Variants in IPO9 observed in about 807,000 individuals in gnomAD.
IPO9 encodes the protein importin-9.
Under a neutral mutation model 128.6 loss-of-function variants are expected in IPO9, and 28 were observed. That is an observed-to-expected ratio of 0.22 (90% CI 0.16 to 0.30). IPO9 has a LOEUF of 0.30. Among genes scored for constraint, IPO9 ranks in the 10% least tolerant of loss-of-function variants. The pLI is 1.00. For missense variants in IPO9, 935 were observed against 1,293.9 expected, an observed-to-expected ratio of 0.72 and a Z score of 4.26; for synonymous variants, 455 against 475.8, an observed-to-expected ratio of 0.96 and a Z score of 0.57.
At chr1:201,848,018 C>A (rs1431841537) in intron 3 of IPO9, among the ~76,000 whole-genome samples, 1 of 152,180 alleles carries the variant, frequency 6.6e-6, no homozygotes, top group Non-Finnish European at 1.5e-5. Flanking sequence ...GGTATAAGGT[C>A]TGGAGGAATG....
intron 1 of IPO9, among the ~76,000 whole-genome samples, chr1:201,840,966 G>T (rs1680024979): frequency 6.6e-6 from 1 of 152,178 alleles, no homozygotes; most frequent in African/African-American, 2.4e-5. Context: ...TAATAGGGTT[G>T]AGGAAGAAGT....
chr1:201,852,225 T>A (rs761221155), intron 5 of IPO9, 33 bp downstream of exon 5: 1 of 1,404,634 alleles, frequency 7.1e-7, no homozygotes, highest in Non-Finnish European at 1.0e-6. Context: ...TTATAGTGAG[T>A]TCAGGCTCTC....
rs1268775610 is a variant in IPO9, at chr1:201,880,585, TA to T, written c.*4535del. 6.6e-6 allele frequency: 1 copy of T among 152,208 alleles called. No individual in the cohort carries two copies. The highest frequency in any genetic ancestry group is 6.5e-5 in the Admixed American group (1 of 15,280). 9.4% of individuals were successfully genotyped at this position (152,208 alleles called of 1,614,324 possible). A position where few individuals can be genotyped will look rare whatever the true frequency, so the allele number is the denominator to read the frequency against. Reference sequence around the variant, plus strand: ...TGACCCATGATCAGTAAGTAGGAAATAAAAGGCCAATTTCTGGCTACTCTTG... The same window carrying T: ...TGACCCATGATCAGTAAGTAGGAAATAAAGGCCAATTTCTGGCTACTCTTG... On this transcript the variant is annotated 3_prime_UTR_variant, in exon 24 of 24. Coordinates refer to ENST00000361565, the MANE Select transcript of IPO9 (RefSeq NM_018085.5).
At chr1:201,861,566 A>T (rs1294061247) in intron 13 of IPO9, among the ~76,000 whole-genome samples, 1 of 152,206 alleles carries the variant, frequency 6.6e-6, no homozygotes, top group Non-Finnish European at 1.5e-5. Context: ...TGCATTTTTA[A>T]CTTACAGTAT....
intron 4 of IPO9, among the ~76,000 whole-genome samples, chr1:201,850,044 T>C (rs1680188031): frequency 6.6e-6 from 1 of 152,258 alleles, no homozygotes; most frequent in South Asian, 2.1e-4. Context: ...ATTCAGGTTC[T>C]TTTGACAAAC....
intron 1 of IPO9, among the ~76,000 whole-genome samples, chr1:201,847,071 G>C (rs747654739): frequency 1.3e-5 from 2 of 152,242 alleles, no homozygotes; most frequent in Non-Finnish European, 2.9e-5. Flanking sequence ...AAAAGTGTAA[G>C]GGTGTTGAAA....
rs531792367 is a variant in IPO9 at position 201,870,551 on chromosome 1, A to G, written c.2134-32A>G. 6.2e-7 allele frequency: 1 copy of G among 1,600,734 alleles called. No homozygotes were observed. Among genetic ancestry groups the G allele is most frequent in the South Asian group, 1.1e-5 (1 of 90,028 alleles). On this transcript the variant is annotated intron_variant, in intron 17 of 23. Coordinates refer to ENST00000361565, the MANE Select transcript of IPO9 (RefSeq NM_018085.5). The surrounding 1 kb of genome is among the most constrained non-coding windows in gnomAD (Gnocchi z 4.9). ...GCCTTCTGGCATCTGTCCCTCGATT[A>G]CTAATCTTGCTTGCCACCCCTGTCT...
intron 15 of IPO9, among the ~76,000 whole-genome samples, chr1:201,867,335 A>C (rs1376349105): frequency 6.6e-6 from 1 of 152,190 alleles, no homozygotes; most frequent in Non-Finnish European, 1.5e-5. Flanking sequence ...CTAAAGAAAG[A>C]TATATGGAAA....
In IPO9 at chr1:201,829,202, G is replaced by A. The variant is rs770571396; in HGVS notation, c.-8G>A. 12 of 1,535,014 alleles carry A rather than the reference G, an allele frequency of 7.8e-6. No individual in the cohort carries two copies. The African/African-American group carries it at 1.7e-4, about 22-fold the overall frequency. On this transcript the variant is annotated 5_prime_UTR_variant, in exon 1 of 24. Transcript: ENST00000361565. ...GGCCGCGGGGCTGGCGGGCTGAGGGGAGAAAAGATGGCGGCGGCGGCGGCA... is the reference window on the plus strand; with the variant it reads ...GGCCGCGGGGCTGGCGGGCTGAGGGAAGAAAAGATGGCGGCGGCGGCGGCA...
At chr1:201,842,334 G>T (rs899266381) in intron 1 of IPO9, among the ~76,000 whole-genome samples, 1 of 152,304 alleles carries the variant, frequency 6.6e-6, no homozygotes, top group Admixed American at 6.5e-5. Flanking sequence ...GAATGCAGAA[G>T]TGTGTTCTTT....
chr1:201,875,370 GCTT>G, intron 23 of IPO9, 142 bp downstream of exon 23: 1 of 742,464 alleles, frequency 1.3e-6, no homozygotes, highest in Non-Finnish European at 2.4e-6. Context: ...CGGGAGGATT[GCTT>G]AAGCCCAGGA....
rs1680777410 is a variant in IPO9, at chr1:201,876,988, C to G, written c.*934C>G. 6.6e-6 allele frequency: 1 copy of G among 152,604 alleles called. No homozygotes were observed. The highest frequency in any genetic ancestry group is 6.5e-5 in the Admixed American group (1 of 15,276). 9.5% of individuals were successfully genotyped at this position (152,604 alleles called of 1,614,324 possible). Reference sequence around the variant, plus strand: ...TTTAGTTGCATGGTATAAGGTGTCTCAGCACCTGTTTGCCTTCTATTCCCT... The same window carrying G: ...TTTAGTTGCATGGTATAAGGTGTCTGAGCACCTGTTTGCCTTCTATTCCCT... On this transcript the variant is annotated 3_prime_UTR_variant, in exon 24 of 24. Coordinates refer to ENST00000361565, the MANE Select transcript of IPO9 (RefSeq NM_018085.5).
chr1:201,877,948 A>C lies in IPO9; in HGVS notation c.*1894A>C, dbSNP rs1680808047. The C allele has an allele frequency of 1.3e-5, 2 of 152,244 alleles. No individual in the cohort carries two copies. The highest frequency in any genetic ancestry group is 1.3e-4 in the Admixed American group (2 of 15,284). The allele number at this position is 152,244 out of a possible 1,614,324, so 9.4% of individuals were successfully genotyped here. On this transcript the variant is annotated 3_prime_UTR_variant, in exon 24 of 24. Coordinates refer to ENST00000361565, the MANE Select transcript of IPO9 (RefSeq NM_018085.5). ...GTCTCAAAAAAAAAAAAGAGAAAGA[A>C]TATAAAGTGAATCTGAATCTCCACT... is the stretch of plus-strand genomic sequence containing the variant.
Position 201,875,122 on chromosome 1 carries a change from G to T in IPO9, c.2939-30G>T, listed in dbSNP as rs771042925. On this transcript the variant is annotated intron_variant, in intron 22 of 23. Transcript: ENST00000361565. ...GGGCCTGATCATGGGCCTTTGTCCT[G>T]ACCCGCCCTGTGTTGGCTATGTCTA... 4.4e-6 allele frequency: 7 copies of T among 1,602,152 alleles called. No individual in the cohort carries two copies. The South Asian group carries it at 7.7e-5, about 18-fold the overall frequency.
In IPO9 at chr1:201,880,654, T is replaced by A. The variant is rs572292732; in HGVS notation, c.*4600T>A. 1 of 152,228 alleles carries A rather than the reference T, an allele frequency of 6.6e-6. No individual in the cohort carries two copies. The highest frequency in any genetic ancestry group is 1.5e-5 in the Non-Finnish European group (1 of 68,054). 9.4% of individuals were successfully genotyped at this position (152,228 alleles called of 1,614,324 possible). On this transcript the variant is annotated 3_prime_UTR_variant, in exon 24 of 24. Coordinates refer to ENST00000361565, the MANE Select transcript of IPO9 (RefSeq NM_018085.5). ...GTGAACTATGAACCTCTATTAGATATGCAAGGCCGGTGCTAAATGCTGGAG... is the reference window on the plus strand; with the variant it reads ...GTGAACTATGAACCTCTATTAGATAAGCAAGGCCGGTGCTAAATGCTGGAG...
At position 201,883,172 on chromosome 1, in the gene IPO9, C is replaced by CCA. The variant is rs1680920130; in HGVS notation, c.*7119_*7120insAC. 7.1e-5 allele frequency: 1 copy of CCA among 14,082 alleles called. No homozygotes were observed. The highest frequency in any genetic ancestry group is 1.3e-4 in the Non-Finnish European group (1 of 7,420). 0.9% of individuals were successfully genotyped at this position (14,082 alleles called of 1,614,324 possible). ...TGTATTAATTTGCTTTCACTAGATTCCCCCCCCCCCAACAACTTAGTCCAA... is the reference window on the plus strand; with the variant it reads ...TGTATTAATTTGCTTTCACTAGATTCCACCCCCCCCCCAACAACTTAGTCCAA... On this transcript the variant is annotated 3_prime_UTR_variant, in exon 24 of 24. Transcript: ENST00000361565.
chr1:201,851,462 G>GTT (rs757044452), intron 4 of IPO9, among the ~76,000 whole-genome samples: 5 of 141,768 alleles, frequency 3.5e-5, no homozygotes, highest in Non-Finnish European at 3.1e-5. Context: ...GGTGTATTTG[G>GTT]TTTTTTTTTT....
rs767486066 is a variant in IPO9 at position 201,870,622 on chromosome 1, C to T, written c.2173C>T (p.Leu725=). 5.6e-6 allele frequency: 9 copies of T among 1,614,218 alleles called. No individual in the cohort carries two copies. The South Asian group carries it at 9.9e-5, about 18-fold the overall frequency. ...ECLRAYVSVT[L]EQVAQWHDEQ... ...CTTGCGGGCCTATGTGTCAGTGACCCTGGAACAAGTAGCCCAGTGGCATGA... is the reference window on the plus strand; with the variant it reads ...CTTGCGGGCCTATGTGTCAGTGACCTTGGAACAAGTAGCCCAGTGGCATGA... Residue 725 remains leucine, a synonymous_variant, in exon 18 of 24, where the codon CTG becomes TTG. Transcript: ENST00000361565. The surrounding 1 kb of genome is among the most constrained non-coding windows in gnomAD (Gnocchi z 4.9).
At position 201,879,167 on chromosome 1, in the gene IPO9, G is replaced by T. The variant is rs1446850926; in HGVS notation, c.*3113G>T. On this transcript the variant is annotated 3_prime_UTR_variant, in exon 24 of 24. Coordinates refer to ENST00000361565, the MANE Select transcript of IPO9 (RefSeq NM_018085.5). ...ACAGACGTATATGTGACATTGATTT[G>T]GGAGAATGAACCTACAACAAATGAC... The T allele has an allele frequency of 6.6e-6, 1 of 152,198 alleles. No individual in the cohort carries two copies. The highest frequency in any genetic ancestry group is 2.4e-5 in the African/African-American group (1 of 41,464). The allele number at this position is 152,198 out of a possible 1,614,324, so 9.4% of individuals were successfully genotyped here.
Sources: gnomAD v4.1 joint callset for allele counts (sites outside exome capture counted in the v4.1 genomes callset) on GRCh38, gnomAD v4.1.1 for gene constraint, Gnocchi (gnomAD v3.1) non-coding constraint, MANE v1.5 for transcripts, NCBI Gene and HGNC (gene_info 2026-07-23, HGNC 2026-07-21) for gene names.